The following UNC5A variants were observed in gnomAD, a reference collection of about 807,000 sequenced individuals.
UNC5A encodes the protein netrin receptor UNC5A.
Under a neutral mutation model 87.4 loss-of-function variants are expected in UNC5A, and 20 were observed. The ratio of observed to expected loss-of-function variants is 0.23; its 90% CI spans 0.16 to 0.33. UNC5A has a LOEUF of 0.33. Among genes scored for constraint, UNC5A ranks in the 10% least tolerant of loss-of-function variants. The pLI is 1.00. For missense variants in UNC5A, 844 were observed against 1,133.4 expected (o/e 0.74, Z 3.67); for synonymous variants, 438 against 482.3 (o/e 0.91, Z 1.20).
At chr5:176,828,115 C>T (rs1756900096) in intron 1 of UNC5A, among the ~76,000 whole-genome samples, 1 of 152,162 alleles carries the variant, frequency 6.6e-6, no homozygotes, top group Non-Finnish European at 1.5e-5. Context: ...GAGCTGCCCT[C>T]TCTGCCCCTC....
chr5:176,868,819 G>A lies in UNC5A; in HGVS notation c.576G>A (p.Pro192=), dbSNP rs199618550. 2.4e-5 allele frequency: 38 copies of A among 1,608,356 alleles called. No individual in the cohort carries two copies. Among genetic ancestry groups the A allele is most frequent in the Middle Eastern group, 1.7e-4 (1 of 6,046 alleles). Residue 192 remains proline (P), a synonymous_variant, in exon 5 of 15, where the codon CCG becomes CCA. Coordinates refer to ENST00000329542, the MANE Select transcript of UNC5A (RefSeq NM_133369.3). ...EWLRNEDLVD[P]SLDPNVYITR... Reference sequence around the variant, plus strand: ...TCCGGAACGAGGACCTGGTGGACCCGTCCCTGGACCCCAATGTATACATCA... The same window carrying A: ...TCCGGAACGAGGACCTGGTGGACCCATCCCTGGACCCCAATGTATACATCA...
chr5:176,868,946 G>A lies in UNC5A; in HGVS notation c.703G>A (p.Ala235Thr), dbSNP rs1315088332. 7 of 1,608,060 alleles carry A rather than the reference G, an allele frequency of 4.4e-6. No individual in the cohort carries two copies. Among genetic ancestry groups the A allele is most frequent in the East Asian group, 2.2e-5 (1 of 44,754 alleles). The change falls in exon 5 of 15, where the codon GCT (alanine) becomes ACT (threonine). Residue 235 changes from alanine to threonine, a missense_variant. Ala to Thr is a moderately conservative substitution (Grantham distance 58, BLOSUM62 0). Coordinates refer to ENST00000329542, the MANE Select transcript of UNC5A (RefSeq NM_133369.3). ...CGTGGCACGTCGCCGCAGCGCCTCC[G>A]CTGCTGTCATCGTCTACGGTGGGCC... ...NIVARRRSAS[A>T]AVIVYVDGSW...
At chr5:176,873,905 C>T in intron 6 of UNC5A, 63 bp from the exon 7 acceptor site, 2 of 1,556,740 alleles carry the variant, frequency 1.3e-6, no homozygotes, top group African/African-American at 1.3e-5. Context: ...GTGCAGACCA[C>T]TGACCTCTCC....
Position 176,866,967 on chromosome 5 carries a change from A to G in UNC5A, c.293-1163A>G, listed in dbSNP as rs1757989577. Among the ~76,000 whole-genome samples, 1 of 152,232 alleles carries G rather than the reference A, an allele frequency of 6.6e-6. No individual in the cohort carries two copies. Among genetic ancestry groups the G allele is most frequent in the African/African-American group, 2.4e-5 (1 of 41,474 alleles). ...ATCTGGACACCCAGTGTGAGAGCCC[A>G]GAGGCTTGTGAGGAGGGGTCTGGGA... On this transcript the variant is annotated intron_variant, in intron 2 of 14. Coordinates refer to ENST00000329542, the MANE Select transcript of UNC5A (RefSeq NM_133369.3). The surrounding 1 kb of genome is among the most constrained non-coding windows in gnomAD (Gnocchi z 5.0).
chr5:176,828,190 G>T (rs1756902101), intron 1 of UNC5A, among the ~76,000 whole-genome samples: 1 of 152,212 alleles, frequency 6.6e-6, no homozygotes, highest in African/African-American at 2.4e-5. Flanking sequence ...AATGCGGCAG[G>T]CTGGGTGCTA....
In UNC5A at chr5:176,829,371, A is replaced by G. The variant is rs922297674; in HGVS notation, c.70+18551A>G. 1.0e-4 allele frequency among the ~76,000 whole-genome samples: 12 copies of G among 119,788 alleles called. No individual in the cohort carries two copies. The South Asian group carries it at 2.5e-3, about 25-fold the overall frequency. The allele number at this position is 119,788 out of a possible 152,430, so 78.6% of individuals were successfully genotyped here. A position where few individuals can be genotyped will look rare whatever the true frequency, so the allele number is the denominator to read the frequency against. The stretch of plus-strand genomic sequence containing the variant: ...TGGATGGATGGATGGATGGATGGAT[A>G]AAGTGGGTGGATGGGTGGATGGATG... On this transcript the variant is annotated intron_variant, in intron 1 of 14. Coordinates refer to ENST00000329542, the MANE Select transcript of UNC5A (RefSeq NM_133369.3).
Position 176,842,492 on chromosome 5 carries a change from G to GATATATATATATATATAT in UNC5A, c.71-20131_71-20114dup, listed in dbSNP as rs35268512. Among the ~76,000 whole-genome samples the GATATATATATATATATAT allele has an allele frequency of 2.5e-3, 365 of 145,608 alleles. 9 individuals carry two copies. The highest frequency in any genetic ancestry group is 9.0e-3 in the African/African-American group (341 of 37,708). ...GTCAATCAACAAATGGAGAAACTGT[G>GATATATATATATATATAT]ATATATATATATATATATGATGGAA... is the stretch of plus-strand genomic sequence containing the variant. On this transcript the variant is annotated intron_variant, in intron 1 of 14. Coordinates refer to ENST00000329542, the MANE Select transcript of UNC5A (RefSeq NM_133369.3).
At chr5:176,856,239 G>A (rs1017785443) in intron 1 of UNC5A, among the ~76,000 whole-genome samples, 5 of 152,232 alleles carry the variant, frequency 3.3e-5, no homozygotes, top group East Asian at 3.8e-4. Context: ...AGTTCCGGGC[G>A]AGTCTTATCT....
At chr5:176,851,514 T>G (rs943307139) in intron 1 of UNC5A, among the ~76,000 whole-genome samples, 1 of 152,220 alleles carries the variant, frequency 6.6e-6, no homozygotes, top group Non-Finnish European at 1.5e-5. Context: ...TTAAATTAAT[T>G]GCCAGCAACA....
At chr5:176,830,258 C>T (rs1029821374) in intron 1 of UNC5A, among the ~76,000 whole-genome samples, 12 of 152,210 alleles carry the variant, frequency 7.9e-5, no homozygotes, top group Non-Finnish European at 1.5e-4. Context: ...CCAGGAGCTC[C>T]CAAGCAGGGT....
At position 176,844,491 on chromosome 5, in the gene UNC5A, G is replaced by C. The variant is rs2113626430; in HGVS notation, c.71-18133G>C. Among the ~76,000 whole-genome samples the C allele has an allele frequency of 6.6e-6, 1 of 152,298 alleles. No individual in the cohort carries two copies. Among genetic ancestry groups the C allele is most frequent in the South Asian group, 2.1e-4 (1 of 4,828 alleles). On this transcript the variant is annotated intron_variant, in intron 1 of 14. Coordinates refer to ENST00000329542, the MANE Select transcript of UNC5A (RefSeq NM_133369.3). The surrounding 1 kb of genome is among the most constrained non-coding windows in gnomAD (Gnocchi z 4.2). ...CACGGGATGATATGAGCTGGCCGTG[G>C]GCGCCCACTGCATACAGCAGGTTGG...
rs1758215448 is a variant in UNC5A at position 176,874,553 on chromosome 5, G to C, written c.1365G>C (p.Met455Ile). 2 of 1,568,516 alleles carry C rather than the reference G, an allele frequency of 1.3e-6. No individual in the cohort carries two copies. Among genetic ancestry groups the C allele is most frequent in the African/African-American group, 2.7e-5 (2 of 74,130 alleles). The part of the protein sequence containing the change: ...GTFNFLGGRL[M>I]IPNTGISLLI... ...TCAACTTCCTCGGGGGCCGGCTGAT[G>C]ATCCCTAATACAGGTAGGAAGGACC... Residue 455 changes from methionine (M) to isoleucine (I), a missense_variant, in exon 8 of 15, where the codon ATG becomes ATC. By Grantham distance (10) the Met-to-Ile change is conservative. Around this residue, in one of 3 missense-constraint regions of UNC5A, gnomAD observed 353 missense variants for 387.5 expected, o/e 0.91. Transcript: ENST00000329542. The surrounding 1 kb of genome is among the most constrained non-coding windows in gnomAD (Gnocchi z 7.6).
In UNC5A at chr5:176,862,686, C is replaced by T. The variant is rs1757869855; in HGVS notation, c.133C>T (p.His45Tyr). The change falls in exon 2 of 15, where the codon CAC (histidine) becomes TAC (tyrosine). Residue 45 changes from histidine to tyrosine, a missense_variant. Coordinates refer to ENST00000329542, the MANE Select transcript of UNC5A (RefSeq NM_133369.3). ...VPGANPDLLPHFLVEPEDVYI... is the reference protein window; with the variant it reads ...VPGANPDLLPYFLVEPEDVYI... ...TGGTGCCAACCCGGACCTGCTTCCCCACTTCCTGGTGGAGCCCGAGGATGT... is the reference window on the plus strand; with the variant it reads ...TGGTGCCAACCCGGACCTGCTTCCCTACTTCCTGGTGGAGCCCGAGGATGT... The T allele has an allele frequency of 1.2e-6, 2 of 1,613,530 alleles. No individual in the cohort carries two copies. The highest frequency in any genetic ancestry group is 2.2e-5 in the South Asian group (2 of 91,088).
Position 176,869,867 on chromosome 5 carries a change from C to A in UNC5A, c.722-503C>A, listed in dbSNP as rs938398987. ...CATCGCGCCCACCAGCCTGCCCCCC[C>A]ATGGCTCCATCCCACCCACCCGCCA... On this transcript the variant is annotated intron_variant, in intron 5 of 14. Transcript: ENST00000329542. The surrounding 1 kb of genome is among the most constrained non-coding windows in gnomAD (Gnocchi z 9.1). 1 of 578,454 alleles carries A rather than the reference C, an allele frequency of 1.7e-6. No homozygotes were observed. 35.8% of individuals were successfully genotyped at this position (578,454 alleles called of 1,614,324 possible).
At position 176,838,882 on chromosome 5, in the gene UNC5A, A is replaced by G. The variant is rs1757203553; in HGVS notation, c.71-23742A>G. ...CAGGAGATAGCATTGGTTTAAGCCA[A>G]TCAGGGTCCATCCCTGAAGCTGGTA... On this transcript the variant is annotated intron_variant, in intron 1 of 14. Transcript: ENST00000329542. The surrounding 1 kb of genome is among the most constrained non-coding windows in gnomAD (Gnocchi z 4.2). Among the ~76,000 whole-genome samples the G allele has an allele frequency of 6.6e-6, 1 of 152,248 alleles. No individual in the cohort carries two copies. The highest frequency in any genetic ancestry group is 1.5e-5 in the Non-Finnish European group (1 of 68,040).
intron 1 of UNC5A, among the ~76,000 whole-genome samples, chr5:176,850,541 C>T (rs1757517714): frequency 1.3e-5 from 2 of 151,886 alleles, no homozygotes; most frequent in South Asian, 4.2e-4. Flanking sequence ...CGGGATGGCG[C>T]AGGCAGCGAG....
At chr5:176,862,875 A>T in intron 2 of UNC5A, 30 bp downstream of exon 2, 1 of 1,609,184 alleles carries the variant, frequency 6.2e-7, no homozygotes. Flanking sequence ...AGGCAGGGCC[A>T]ATCCGGGGGA....
Position 176,862,984 on chromosome 5 carries a change from T to C in UNC5A, c.292+139T>C, listed in dbSNP as rs527448796. The C allele has an allele frequency of 1.8e-3, 1,773 of 964,482 alleles. 4 individuals are homozygous for C. Among genetic ancestry groups the C allele is most frequent in the Non-Finnish European group, 2.2e-3 (1,397 of 639,232 alleles). The allele number at this position is 964,482 out of a possible 1,614,324, so 59.7% of individuals were successfully genotyped here. The stretch of plus-strand genomic sequence containing the variant: ...CCCAGAGGCCACAACCCTCAGCAGT[T>C]TGGGGAGAAGGAGGGGGAGAGAGGG... On this transcript the variant is annotated intron_variant, in intron 2 of 14. Coordinates refer to ENST00000329542, the MANE Select transcript of UNC5A (RefSeq NM_133369.3).
At chr5:176,816,012 C>G (rs567950254) in intron 1 of UNC5A, among the ~76,000 whole-genome samples, 2 of 152,236 alleles carry the variant, frequency 1.3e-5, no homozygotes, top group African/African-American at 4.8e-5. Context: ...CTGAGCAGAA[C>G]GAAATTCTAG....
Sources: allele counts gnomAD v4.1 joint callset (sites outside exome capture counted in the v4.1 genomes callset), GRCh38; gene constraint gnomAD v4.1.1; regional missense constraint gnomAD v4.1.1; non-coding constraint Gnocchi (gnomAD v3.1); transcripts MANE v1.5; gene names NCBI Gene and HGNC (gene_info 2026-07-23, HGNC 2026-07-21).